DNAJB6: variants seen among roughly 807,000 people sequenced by gnomAD.
DNAJB6 encodes the protein DnaJ heat shock protein family (Hsp40) member B6.
Under a neutral mutation model 42.7 loss-of-function variants are expected in DNAJB6, and 16 were observed. The observed-to-expected ratio is 0.37, with a 90% CI of 0.25 to 0.57. DNAJB6 has a LOEUF of 0.57. DNAJB6 is among the 20% of genes least tolerant of loss of function. DNAJB6 has a pLI of 0.74. For missense variants in DNAJB6, 347 were observed against 416.8 expected (o/e 0.83, Z 1.46); for synonymous variants, 170 against 163.5 (o/e 1.04, Z -0.30).
At chr7:157,355,209 A>G (rs935709680) in intron 1 of DNAJB6, among the ~76,000 whole-genome samples, 1 of 152,176 alleles carries the variant, frequency 6.6e-6, no homozygotes, top group Non-Finnish European at 1.5e-5. Flanking sequence ...GTTGGAGTGC[A>G]GTGGCGCGGG....
chr7:157,392,569 GT>G (rs1310040241), intron 8 of DNAJB6, among the ~76,000 whole-genome samples: 1 of 152,086 alleles, frequency 6.6e-6, no homozygotes, highest in Non-Finnish European at 1.5e-5. Flanking sequence ...TCTTGCCCGC[GT>G]TTCTGCCGGA....
chr7:157,347,910 C>G (rs1183431525), intron 1 of DNAJB6, among the ~76,000 whole-genome samples: 1 of 151,996 alleles, frequency 6.6e-6, no homozygotes, highest in African/African-American at 2.4e-5. Flanking sequence ...ATTCTTCTGC[C>G]TCAGCCTCCC....
At chr7:157,345,455 C>T (rs533500224) in intron 1 of DNAJB6, among the ~76,000 whole-genome samples, 1 of 152,128 alleles carries the variant, frequency 6.6e-6, no homozygotes, top group African/African-American at 2.4e-5. Flanking sequence ...GCTGGGAGTA[C>T]AGGCATGTGC....
intron 1 of DNAJB6, among the ~76,000 whole-genome samples, chr7:157,350,720 TACTC>T (rs1299893628): frequency 1.3e-5 from 2 of 151,800 alleles, no homozygotes; most frequent in African/African-American, 4.8e-5. Context: ...GATGGAGTCT[TACTC>T]TGTCTCCCAG....
intron 1 of DNAJB6, among the ~76,000 whole-genome samples, chr7:157,344,830 C>G (rs935557207): frequency 2.6e-5 from 4 of 152,068 alleles, no homozygotes; most frequent in African/African-American, 7.2e-5. Context: ...TCAGCGTGGT[C>G]TTGAACTCCT....
At chr7:157,353,586 GGTGTGTGTGT>G (rs370854040) in intron 1 of DNAJB6, among the ~76,000 whole-genome samples, 2,129 of 140,088 alleles carry the variant, frequency 0.015, 25 homozygotes, top group East Asian at 0.058. Flanking sequence ...TCTTGACCGG[GGTGTGTGTGT>G]GTGTGTGTGT....
At chr7:157,366,659 GTAAA>G in intron 4 of DNAJB6, 98 bp downstream of exon 4, 1 of 1,135,072 alleles carries the variant, frequency 8.8e-7, no homozygotes, top group South Asian at 1.3e-5. Context: ...TTTTGTATCA[GTAAA>G]TAGAGATGCA....
chr7:157,341,580 C>T (rs573352996), intron 1 of DNAJB6, among the ~76,000 whole-genome samples: 51 of 152,284 alleles, frequency 3.3e-4, no homozygotes, highest in African/African-American at 1.2e-3. Flanking sequence ...TTGTGTTGTG[C>T]ATATATACGT....
Position 157,409,928 on chromosome 7 carries a change from T to G in DNAJB6, c.825T>G (p.Cys275Trp), listed in dbSNP as rs1034901113. Reference protein sequence around the residue: ...PASLLRHAPHCLSEEEGEQDR... With the variant: ...PASLLRHAPHWLSEEEGEQDR... ...CGCTGCTGAGACACGCGCCTCACTG[T>G]CTCTCTGAGGAGGAGGGCGAGCAGG... The change falls in exon 9 of 10, where the codon TGT becomes TGG. Residue 275 changes from cysteine (C) to tryptophan (W), a missense_variant. Around this residue, in one of 3 missense-constraint regions of DNAJB6, gnomAD observed 264 missense variants for 288.0 expected, o/e 0.92. Transcript: ENST00000262177. The G allele has an allele frequency of 2.6e-6, 4 of 1,536,432 alleles. No individual in the cohort carries two copies. The highest frequency in any genetic ancestry group is 3.9e-5 in the Admixed American group (2 of 51,020).
At chr7:157,354,719 G>C (rs1799184015) in intron 1 of DNAJB6, among the ~76,000 whole-genome samples, 1 of 152,104 alleles carries the variant, frequency 6.6e-6, no homozygotes, top group East Asian at 1.9e-4. Context: ...TCAGGGTAAG[G>C]GATAATGATG....
At chr7:157,373,248 C>G (rs1478163102) in intron 5 of DNAJB6, among the ~76,000 whole-genome samples, 1 of 152,204 alleles carries the variant, frequency 6.6e-6, no homozygotes, top group South Asian at 2.1e-4. Flanking sequence ...ACTTTAACAT[C>G]ATATTTCTAA....
In DNAJB6 at chr7:157,337,033, G is replaced by C. The variant is rs1233934843; in HGVS notation, c.-138G>C. 1.3e-5 allele frequency: 2 copies of C among 152,346 alleles called. No individual in the cohort carries two copies. The highest frequency in any genetic ancestry group is 2.9e-5 in the Non-Finnish European group (2 of 68,176). The allele number at this position is 152,346 out of a possible 1,614,324, so 9.4% of individuals were successfully genotyped here. On this transcript the variant is annotated 5_prime_UTR_variant, in exon 1 of 10. Transcript: ENST00000262177. ...TTGTTGTTGGAGAAAGGAGAGAAAG[G>C]AAAGCGCGAGGAGCCGCCGCCACCA...
At position 157,344,763 on chromosome 7, in the gene DNAJB6, A is replaced by C. The variant is rs139086982; in HGVS notation, c.-27+7619A>C. ...CCAGTAGCTGGGACTACAGGTGCACACTGCCACACCCTACTGAGTTTTTAT... is the reference window on the plus strand; with the variant it reads ...CCAGTAGCTGGGACTACAGGTGCACCCTGCCACACCCTACTGAGTTTTTAT... On this transcript the variant is annotated intron_variant, in intron 1 of 9. Coordinates refer to ENST00000262177, the MANE Select transcript of DNAJB6 (RefSeq NM_058246.4). Among the ~76,000 whole-genome samples the C allele has an allele frequency of 2.1e-3, 325 of 152,018 alleles. 1 individual carries two copies. Among genetic ancestry groups the C allele is most frequent in the Non-Finnish European group, 3.8e-3 (256 of 67,976 alleles).
intron 8 of DNAJB6, among the ~76,000 whole-genome samples, chr7:157,396,751 C>A (rs1417945713): frequency 2.0e-5 from 3 of 152,096 alleles, no homozygotes; most frequent in Non-Finnish European, 4.4e-5. Context: ...ATTGTGAGTT[C>A]CTGGGAAATG....
At chr7:157,339,280 CCTTT>C (rs1180287418) in intron 1 of DNAJB6, among the ~76,000 whole-genome samples, 28 of 116,504 alleles carry the variant, frequency 2.4e-4, no homozygotes, top group Non-Finnish European at 4.3e-4. Flanking sequence ...TCTGTTTGCA[CCTTT>C]TTTTTTTTTT....
intron 8 of DNAJB6, among the ~76,000 whole-genome samples, chr7:157,388,881 T>C (rs1300574079): frequency 6.6e-6 from 1 of 152,230 alleles, no homozygotes; most frequent in Non-Finnish European, 1.5e-5. Context: ...CTTATATTTC[T>C]ATCCTTTATA....
intron 1 of DNAJB6, among the ~76,000 whole-genome samples, chr7:157,346,827 TTC>T (rs1325269942): frequency 6.6e-6 from 1 of 152,204 alleles, no homozygotes; most frequent in Non-Finnish European, 1.5e-5. Context: ...ACACGTGGAT[TTC>T]TCTTTCTAGA....
chr7:157,393,169 T>C (rs1801427637), intron 8 of DNAJB6, among the ~76,000 whole-genome samples: 1 of 151,964 alleles, frequency 6.6e-6, no homozygotes, highest in African/African-American at 2.4e-5. Context: ...AGAGACGGAG[T>C]TTCACTATTT....
At chr7:157,375,064 T>C (rs1007631349) in intron 5 of DNAJB6, among the ~76,000 whole-genome samples, 3 of 152,196 alleles carry the variant, frequency 2.0e-5, no homozygotes, top group African/African-American at 7.2e-5. Context: ...TCTGGGACTG[T>C]AGGTGCAAGA....
Sources: allele counts gnomAD v4.1 joint callset (sites outside exome capture counted in the v4.1 genomes callset), GRCh38; gene constraint gnomAD v4.1.1; regional missense constraint gnomAD v4.1.1; transcripts MANE v1.5; gene names NCBI Gene and HGNC (gene_info 2026-07-23, HGNC 2026-07-21).